AFF1: variants seen among roughly 807,000 people sequenced by gnomAD.
AFF1 encodes ALF transcription elongation factor 1, also known as AF4/FMR2 family member 1.
In AFF1, 48 loss-of-function variants were observed where a neutral mutation model predicts 121.7. That is an observed-to-expected ratio of 0.39 (90% CI 0.31 to 0.50). AFF1 has a LOEUF of 0.50. AFF1 is among the 20% of genes least tolerant of loss of function. The pLI is 0.76. For missense variants in AFF1, 1,523 were observed against 1,511.7 expected, an observed-to-expected ratio of 1.01 and a Z score of -0.12; for synonymous variants, 613 against 563.0, an observed-to-expected ratio of 1.09 and a Z score of -1.26.
At chr4:86,949,853 T>C (rs866672368) in intron 2 of AFF1, 4 of 1,613,532 alleles carry the variant, frequency 2.5e-6, no homozygotes, top group Non-Finnish European at 1.7e-6. Flanking sequence ...GTAGGTGTAG[T>C]TGGGGCAGGA....
At chr4:87,062,728 A>C (rs10006308) in intron 4 of AFF1, among the ~76,000 whole-genome samples, 9,555 of 141,034 alleles carry the variant, frequency 0.068, 624 homozygotes, top group African/African-American at 0.18. Context: ...AATATTAATC[A>C]CTTAGTTAGA....
In AFF1 at chr4:87,138,506, TGTGTGTGTG is replaced by T. The variant is rs1254492857; in HGVS notation, c.*2806_*2814del. 4.8e-5 allele frequency: 10 copies of T among 206,516 alleles called. No individual in the cohort carries two copies. Among genetic ancestry groups the T allele is most frequent in the Admixed American group, 2.8e-4 (4 of 14,102 alleles). 12.8% of individuals were successfully genotyped at this position (206,516 alleles called of 1,614,324 possible). A position where few individuals can be genotyped will look rare whatever the true frequency, so the allele number is the denominator to read the frequency against. On this transcript the variant is annotated 3_prime_UTR_variant, in exon 21 of 21. Coordinates refer to ENST00000395146, the MANE Select transcript of AFF1 (RefSeq NM_001166693.3). Reference sequence around the variant, plus strand: ...GCACTACAAGGTGTGTGTGTGTGTGTGTGTGTGTGTGTGTGTCTTTAGTAGGAAATGGAA... The same window carrying T: ...GCACTACAAGGTGTGTGTGTGTGTGTTGTGTGTCTTTAGTAGGAAATGGAA...
chr4:87,038,169 A>G (rs1729756590), intron 2 of AFF1, among the ~76,000 whole-genome samples: 3 of 152,200 alleles, frequency 2.0e-5, no homozygotes, highest in Non-Finnish European at 4.4e-5. Flanking sequence ...TTGTTTTAGG[A>G]TTAAGTCTCT....
chr4:86,956,519 G>A (rs578028822), intron 2 of AFF1, among the ~76,000 whole-genome samples: 1 of 152,178 alleles, frequency 6.6e-6, no homozygotes, highest in Non-Finnish European at 1.5e-5. Flanking sequence ...ACTTTACTGA[G>A]TTGTGCAACC....
chr4:87,041,509 C>T (rs1730149012), intron 2 of AFF1, among the ~76,000 whole-genome samples: 3 of 152,140 alleles, frequency 2.0e-5, no homozygotes, highest in East Asian at 1.9e-4. Context: ...GACAAACCCT[C>T]CAGCTAACTG....
Position 87,126,131 on chromosome 4 carries a change from A to G in AFF1, c.2606A>G (p.Lys869Arg). The G allele has an allele frequency of 6.2e-7, 1 of 1,614,110 alleles. No individual in the cohort carries two copies. The highest frequency in any genetic ancestry group is 8.5e-7 in the Non-Finnish European group (1 of 1,180,020). Residue 869 changes from lysine to arginine, a missense_variant, in exon 14 of 21, where the codon AAG becomes AGG. By Grantham distance (26) the Lys-to-Arg change is conservative (BLOSUM62 2). Transcript: ENST00000395146. ...AGGCCCTCCTCACAGTCCTCAAAGA[A>G]GGAAATGCTCCCCCCGCCACCCGTG... ...PSRPSSQSSK[K>R]EMLPPPPVSS...
chr4:87,042,426 G>A (rs1037983615), intron 2 of AFF1, among the ~76,000 whole-genome samples: 5 of 152,152 alleles, frequency 3.3e-5, no homozygotes, highest in Admixed American at 6.5e-5. Context: ...CTGCCTCTTC[G>A]GTCTTCCTCT....
chr4:87,003,659 ATGAG>A (rs774800427), intron 2 of AFF1, among the ~76,000 whole-genome samples: 8 of 152,212 alleles, frequency 5.3e-5, no homozygotes, highest in African/African-American at 1.7e-4. Flanking sequence ...TGGACATATT[ATGAG>A]TAAGTGCTAT....
intron 4 of AFF1, among the ~76,000 whole-genome samples, chr4:87,059,144 C>T (rs932345387): frequency 6.6e-6 from 1 of 152,220 alleles, no homozygotes; most frequent in Admixed American, 6.5e-5. Context: ...GATTCAACTG[C>T]CGTTGCTCAC....
intron 11 of AFF1, among the ~76,000 whole-genome samples, chr4:87,111,342 A>G (rs982382656): frequency 1.3e-5 from 2 of 150,096 alleles, no homozygotes; most frequent in African/African-American, 2.5e-5. Flanking sequence ...TTTTAAAAAT[A>G]TTTTATTTTC....
intron 2 of AFF1, among the ~76,000 whole-genome samples, chr4:87,006,774 T>C (rs1349361753): frequency 6.6e-6 from 1 of 152,192 alleles, no homozygotes; most frequent in Non-Finnish European, 1.5e-5. Flanking sequence ...AAGAGAGCAC[T>C]CTCGAGGAGC....
In AFF1 at chr4:87,031,435, A is replaced by ATTTTTTTTTTTTTTTTTTTT. The variant is rs1491098607; in HGVS notation, c.39-14730_39-14729insTTTTTTTTTTTTTTTTTTTT. 1.4e-5 allele frequency among the ~76,000 whole-genome samples: 2 copies of ATTTTTTTTTTTTTTTTTTTT among 141,366 alleles called. 1 individual carries two copies. Among genetic ancestry groups the ATTTTTTTTTTTTTTTTTTTT allele is most frequent in the Non-Finnish European group, 3.0e-5 (2 of 66,412 alleles). 92.7% of individuals were successfully genotyped at this position (141,366 alleles called of 152,430 possible). Reference sequence around the variant, plus strand: ...ATCAACCTCTACTATCACTCTTAGCATATGTTTTTTTTTTTTTCTTTTGTT... The same window carrying ATTTTTTTTTTTTTTTTTTTT: ...ATCAACCTCTACTATCACTCTTAGCATTTTTTTTTTTTTTTTTTTTTATGTTTTTTTTTTTTTCTTTTGTT... On this transcript the variant is annotated intron_variant, in intron 2 of 20. Coordinates refer to ENST00000395146, the MANE Select transcript of AFF1 (RefSeq NM_001166693.3).
chr4:86,951,630 T>TTTTTTTC (rs1721344470), intron 2 of AFF1, among the ~76,000 whole-genome samples: 1 of 65,152 alleles, frequency 1.5e-5, no homozygotes, highest in African/African-American at 3.4e-5. Flanking sequence ...TTTCTTTTTT[T>TTTTTTTC]TTTTTTTTTT....
In AFF1 at chr4:87,007,111, C is replaced by T. The variant is rs185367565; in HGVS notation, c.39-39055C>T. ...CCCTTCTCAGAAACTGCGCCGGGGGCGCTCGCTTGCCCCGGATTCGGACGC... is the reference window on the plus strand; with the variant it reads ...CCCTTCTCAGAAACTGCGCCGGGGGTGCTCGCTTGCCCCGGATTCGGACGC... On this transcript the variant is annotated intron_variant, in intron 2 of 20. Transcript: ENST00000395146. The T allele has an allele frequency of 4.3e-4, 544 of 1,261,672 alleles. 8 individuals carry two copies. The East Asian group carries it at 0.017, about 39-fold the overall frequency. 78.2% of individuals were successfully genotyped at this position (1,261,672 alleles called of 1,614,324 possible).
At chr4:87,053,537 C>T (rs1731468962) in intron 4 of AFF1, among the ~76,000 whole-genome samples, 1 of 152,232 alleles carries the variant, frequency 6.6e-6, no homozygotes, top group South Asian at 2.1e-4. Flanking sequence ...ATGAGATGAT[C>T]TAAACCTTCA....
At chr4:87,040,780 C>T (rs1730057939) in intron 2 of AFF1, among the ~76,000 whole-genome samples, 1 of 150,840 alleles carries the variant, frequency 6.6e-6, no homozygotes, top group Admixed American at 6.6e-5. Context: ...ACTATGTTGG[C>T]CAGGCTGGTC....
chr4:87,033,996 G>C (rs1468241268), intron 2 of AFF1, among the ~76,000 whole-genome samples: 1 of 152,176 alleles, frequency 6.6e-6, no homozygotes, highest in Admixed American at 6.5e-5. Context: ...ATTCTTCCTT[G>C]GGATGGGTGC....
At chr4:87,131,932 TC>T in intron 18 of AFF1, 68 bp downstream of exon 18, 1 of 1,351,178 alleles carries the variant, frequency 7.4e-7, no homozygotes, top group Non-Finnish European at 9.9e-7. Flanking sequence ...ACAAAAAGAT[TC>T]TGAAATTTGT....
At chr4:87,017,975 A>C (rs1727522901) in intron 2 of AFF1, among the ~76,000 whole-genome samples, 2 of 151,020 alleles carry the variant, frequency 1.3e-5, no homozygotes, top group Admixed American at 6.6e-5. Flanking sequence ...TGGCTAGAAG[A>C]TGTCTTCATT....
Sources: allele counts gnomAD v4.1 joint callset (sites outside exome capture counted in the v4.1 genomes callset), GRCh38; gene constraint gnomAD v4.1.1; transcripts MANE v1.5; gene names NCBI Gene and HGNC (gene_info 2026-07-23, HGNC 2026-07-21).